The following ZFPM2 variants were observed in gnomAD, a reference collection of about 807,000 sequenced individuals.
ZFPM2 encodes the protein zinc finger protein ZFPM2.
ZFPM2 carries 20 observed loss-of-function variants against 98.6 expected under a neutral mutation model. That is an observed-to-expected ratio of 0.20 (90% CI 0.14 to 0.29). The LOEUF is 0.29. Ranked by LOEUF, ZFPM2 falls within the 10% of genes least tolerant of loss-of-function variation. The probability of loss-of-function intolerance (pLI) is 1.00; values close to 1 mark genes in which losing one functional copy is unlikely to be tolerated. For synonymous variants in ZFPM2, 518 were observed against 502.7 expected, an observed-to-expected ratio of 1.03 and a Z score of -0.41; for missense variants, 1,310 against 1,388.6, an observed-to-expected ratio of 0.94 and a Z score of 0.90.
chr8:105,634,414 A>G, intron 5 of ZFPM2, 57 bp downstream of exon 5: 1 of 1,326,266 alleles, frequency 7.5e-7, no homozygotes, highest in Non-Finnish European at 1.1e-6. Flanking sequence ...GAGCATTGCA[A>G]AACAGCACCA....
rs550596551 is a variant in ZFPM2 at position 105,456,716 on chromosome 8, A to T, written c.301+12335A>T. Among the ~76,000 whole-genome samples the T allele has an allele frequency of 1.4e-4, 21 of 152,284 alleles. 1 individual carries two copies. In the South Asian group the frequency reaches 3.7e-3, roughly 27 times the overall value. ...GAGATGGAGTCTTGCTCTGTTGCCCAGGCTGGAGTGCAGTGGCATGATCTC... is the reference window on the plus strand; with the variant it reads ...GAGATGGAGTCTTGCTCTGTTGCCCTGGCTGGAGTGCAGTGGCATGATCTC... On this transcript the variant is annotated intron_variant, in intron 3 of 7. Coordinates refer to ENST00000407775, the MANE Select transcript of ZFPM2 (RefSeq NM_012082.4).
chr8:105,446,950 G>A (rs1037591583), intron 3 of ZFPM2, among the ~76,000 whole-genome samples: 6 of 151,992 alleles, frequency 3.9e-5, no homozygotes, highest in Non-Finnish European at 7.4e-5. Flanking sequence ...TCGTGTTTTC[G>A]CTATTGCATA....
intron 5 of ZFPM2, among the ~76,000 whole-genome samples, chr8:105,748,618 G>T (rs1462864266): frequency 6.6e-6 from 1 of 151,926 alleles, no homozygotes; most frequent in African/African-American, 2.4e-5. Flanking sequence ...CTTTGCGATA[G>T]GTTATGTGGC....
chr8:105,545,450 A>G (rs1009980554), intron 3 of ZFPM2, among the ~76,000 whole-genome samples: 6 of 152,118 alleles, frequency 3.9e-5, no homozygotes, highest in Admixed American at 3.3e-4. Context: ...AACTGCAGTA[A>G]TTTTATTCAA....
At chr8:105,679,541 T>C (rs1235985959) in intron 5 of ZFPM2, among the ~76,000 whole-genome samples, 1 of 152,088 alleles carries the variant, frequency 6.6e-6, no homozygotes, top group Non-Finnish European at 1.5e-5. Flanking sequence ...GGAAACGTAC[T>C]GGGTGAGAGT....
intron 6 of ZFPM2, among the ~76,000 whole-genome samples, chr8:105,794,595 A>T (rs1813732585): frequency 6.6e-6 from 1 of 152,216 alleles, no homozygotes; most frequent in South Asian, 2.1e-4. Flanking sequence ...TGGGAGAACC[A>T]CTGCTCTCTT....
At chr8:105,701,154 G>A (rs543809712) in intron 5 of ZFPM2, among the ~76,000 whole-genome samples, 1 of 152,242 alleles carries the variant, frequency 6.6e-6, no homozygotes, top group African/African-American at 2.4e-5. Flanking sequence ...TGGGAATAGA[G>A]AAACAGCAGA....
intron 5 of ZFPM2, among the ~76,000 whole-genome samples, chr8:105,711,630 G>T (rs1483111298): frequency 1.3e-5 from 2 of 151,970 alleles, no homozygotes; most frequent in Non-Finnish European, 2.9e-5. Context: ...TGTACAAGGA[G>T]AAATAAGTTC....
intron 3 of ZFPM2, among the ~76,000 whole-genome samples, chr8:105,510,012 G>A (rs775087675): frequency 2.0e-5 from 3 of 151,682 alleles, no homozygotes; most frequent in Non-Finnish European, 4.4e-5. Context: ...CTACACATCA[G>A]ATATATATAT....
At chr8:105,745,425 A>G (rs1393705775) in intron 5 of ZFPM2, among the ~76,000 whole-genome samples, 1 of 152,148 alleles carries the variant, frequency 6.6e-6, no homozygotes, top group African/African-American at 2.4e-5. Context: ...GAGAACACAT[A>G]TAAAATATTT....
intron 2 of ZFPM2, among the ~76,000 whole-genome samples, chr8:105,437,634 T>C (rs1449448964): frequency 5.3e-5 from 8 of 152,344 alleles, no homozygotes; most frequent in African/African-American, 1.4e-4. Flanking sequence ...TCTTACCTCA[T>C]TGAACTATCT....
chr8:105,402,352 A>G (rs935554794), intron 1 of ZFPM2, among the ~76,000 whole-genome samples: 1 of 151,926 alleles, frequency 6.6e-6, no homozygotes, highest in African/African-American at 2.4e-5. Flanking sequence ...TAATGATTAT[A>G]CTTTAATTTT....
At chr8:105,482,843 C>T (rs749591693) in intron 3 of ZFPM2, among the ~76,000 whole-genome samples, 2 of 152,114 alleles carry the variant, frequency 1.3e-5, no homozygotes, top group Middle Eastern at 3.2e-3. Flanking sequence ...TTCTTGTTCA[C>T]TGTTGATACT....
intron 1 of ZFPM2, among the ~76,000 whole-genome samples, chr8:105,397,756 T>G (rs1811251006): frequency 6.6e-6 from 1 of 152,160 alleles, no homozygotes; most frequent in African/African-American, 2.4e-5. Flanking sequence ...TGATATGCGA[T>G]ATATAAACAC....
intron 3 of ZFPM2, among the ~76,000 whole-genome samples, chr8:105,483,752 T>C (rs939966357): frequency 6.7e-6 from 1 of 150,250 alleles, no homozygotes; most frequent in African/African-American, 2.5e-5. Context: ...CTTTTTCTTT[T>C]CTTTTTTTTT....
rs1409056734 is a variant in ZFPM2 at position 105,656,433 on chromosome 8, T to C, written c.532+22076T>C. ...TTAAATGGATATTTTTATAATTACC[T>C]CATACAGTTCAGTTATAAATAAATC... On this transcript the variant is annotated intron_variant, in intron 5 of 7. Coordinates refer to ENST00000407775, the MANE Select transcript of ZFPM2 (RefSeq NM_012082.4). Among the ~76,000 whole-genome samples, 3 of 152,182 alleles carry C rather than the reference T, an allele frequency of 2.0e-5. No individual in the cohort carries two copies. The East Asian group carries it at 5.8e-4, about 29-fold the overall frequency.
intron 1 of ZFPM2, among the ~76,000 whole-genome samples, chr8:105,391,477 A>C (rs1323160471): frequency 6.6e-6 from 1 of 152,182 alleles, no homozygotes; most frequent in Non-Finnish European, 1.5e-5. Context: ...CCAGTCATGA[A>C]AGATTTCTCT....
intron 1 of ZFPM2, among the ~76,000 whole-genome samples, chr8:105,401,803 A>G (rs1335822956): frequency 6.6e-6 from 1 of 152,174 alleles, no homozygotes; most frequent in East Asian, 1.9e-4. Context: ...AATTATATTT[A>G]ATTTCCAATT....
chr8:105,751,453 C>T (rs1812474146), intron 5 of ZFPM2, among the ~76,000 whole-genome samples: 1 of 151,980 alleles, frequency 6.6e-6, no homozygotes. Flanking sequence ...ACTAAAATGA[C>T]AGGTGTAGCC....
Sources: gnomAD v4.1 joint callset for allele counts (sites outside exome capture counted in the v4.1 genomes callset) on GRCh38, gnomAD v4.1.1 for gene constraint, MANE v1.5 for transcripts, NCBI Gene and HGNC (gene_info 2026-07-23, HGNC 2026-07-21) for gene names.